TRAF1: variants seen among roughly 807,000 people sequenced by gnomAD.
The protein encoded by TRAF1 is TNF receptor-associated factor 1.
Under a neutral mutation model 40.9 loss-of-function variants are expected in TRAF1, and 23 were observed. That is an observed-to-expected ratio of 0.56 (90% CI 0.40 to 0.80). The LOEUF (loss-of-function observed/expected upper bound fraction) is 0.80. Among genes scored for constraint, TRAF1 ranks in the 30% least tolerant of loss-of-function variants. The probability of loss-of-function intolerance (pLI) is 0.00; values close to 1 mark genes in which losing one functional copy is unlikely to be tolerated. For synonymous variants in TRAF1, 206 were observed against 218.8 expected (o/e 0.94, Z 0.52); for missense variants, 477 against 528.7 (o/e 0.90, Z 0.96).
intron 6 of TRAF1, among the ~76,000 whole-genome samples, chr9:120,910,921 C>T (rs573596514): frequency 6.6e-6 from 1 of 152,316 alleles, no homozygotes; most frequent in African/African-American, 2.4e-5. Flanking sequence ...TTCAGACTGT[C>T]GGCTCTCTGA....
chr9:120,920,177 T>A (rs1446331620), intron 3 of TRAF1, among the ~76,000 whole-genome samples: 1 of 152,176 alleles, frequency 6.6e-6, no homozygotes, highest in Admixed American at 6.5e-5. Flanking sequence ...GGGGAAAGAC[T>A]GCTCAGTGTC....
intron 3 of TRAF1, among the ~76,000 whole-genome samples, chr9:120,918,103 C>G (rs1040466408): frequency 6.6e-6 from 1 of 152,168 alleles, no homozygotes; most frequent in Non-Finnish European, 1.5e-5. Context: ...AGGAAACCAA[C>G]TCGCCAATAC....
intron 7 of TRAF1, among the ~76,000 whole-genome samples, chr9:120,905,628 G>C (rs1270136917): frequency 6.6e-6 from 1 of 152,226 alleles, no homozygotes; most frequent in East Asian, 1.9e-4. Flanking sequence ...GGCTTGGAAA[G>C]TTTTGCTTCA....
chr9:120,925,157 A>C (rs913603903), intron 2 of TRAF1, among the ~76,000 whole-genome samples: 1 of 152,360 alleles, frequency 6.6e-6, no homozygotes, highest in Non-Finnish European at 1.5e-5. Context: ...GTAAAACCGC[A>C]AACAAAAGGT....
rs1211527385 is a variant in TRAF1, at chr9:120,903,426, C to G, written c.*1594G>C. 1.3e-5 allele frequency: 2 copies of G among 152,330 alleles called. No individual in the cohort carries two copies. The highest frequency in any genetic ancestry group is 2.4e-5 in the African/African-American group (1 of 41,462). 9.4% of individuals were successfully genotyped at this position (152,330 alleles called of 1,614,324 possible). A position where few individuals can be genotyped will look rare whatever the true frequency, so the allele number is the denominator to read the frequency against. ...GGCCTGGGTTTCTGACCCATTGAGA[C>G]TGCCGTGCCACGATGCTCCGTCACC... On this transcript the variant is annotated 3_prime_UTR_variant, in exon 8 of 8. Coordinates refer to ENST00000373887, the MANE Select transcript of TRAF1 (RefSeq NM_005658.5).
At chr9:120,924,675 A>G (rs990366428) in intron 2 of TRAF1, among the ~76,000 whole-genome samples, 3 of 152,204 alleles carry the variant, frequency 2.0e-5, no homozygotes, top group Non-Finnish European at 2.9e-5. Flanking sequence ...TCGGCCTGCC[A>G]AAGTGCTGGG....
chr9:120,915,698 G>A (rs1192414940), intron 3 of TRAF1, among the ~76,000 whole-genome samples: 2 of 151,948 alleles, frequency 1.3e-5, no homozygotes, highest in African/African-American at 2.4e-5. Context: ...AGCAGTCTTG[G>A]TGGCGTACAC....
At chr9:120,918,672 T>C (rs2046584702) in intron 3 of TRAF1, among the ~76,000 whole-genome samples, 1 of 152,216 alleles carries the variant, frequency 6.6e-6, no homozygotes, top group South Asian at 2.1e-4. Context: ...TGTTTGAATG[T>C]TGTCCCATAG....
At chr9:120,915,309 T>C (rs1339038460) in intron 3 of TRAF1, among the ~76,000 whole-genome samples, 1 of 152,200 alleles carries the variant, frequency 6.6e-6, no homozygotes, top group Non-Finnish European at 1.5e-5. Context: ...CACGTGACCA[T>C]ACTGAATACT....
intron 3 of TRAF1, among the ~76,000 whole-genome samples, chr9:120,919,917 C>T (rs953801851): frequency 6.6e-6 from 1 of 152,298 alleles, no homozygotes; most frequent in Admixed American, 6.5e-5. Context: ...TGGGTTAGAG[C>T]CTGGCTTTGC....
rs971747470 is a variant in TRAF1, at chr9:120,926,663, C to T, written c.-340G>A. On this transcript the variant is annotated 5_prime_UTR_variant, in exon 1 of 8. Transcript: ENST00000373887. ...GGTGACCTCAAGGAGAAGTCACTTC[C>T]TCACAGTGGGTTCTGATGACTCCAT... is the stretch of plus-strand genomic sequence containing the variant. 6 of 152,218 alleles carry T rather than the reference C, an allele frequency of 3.9e-5. No individual in the cohort carries two copies. Among genetic ancestry groups the T allele is most frequent in the African/African-American group, 1.4e-4 (6 of 41,420 alleles). 9.4% of individuals were successfully genotyped at this position (152,218 alleles called of 1,614,324 possible).
At chr9:120,918,918 G>C (rs1019248211) in intron 3 of TRAF1, among the ~76,000 whole-genome samples, 37 of 152,362 alleles carry the variant, frequency 2.4e-4, no homozygotes, top group African/African-American at 8.9e-4. Context: ...TTGGGGCTCT[G>C]AGGTTCTGCT....
At position 120,911,405 on chromosome 9, in the gene TRAF1, TC is replaced by T. The variant is rs2046525796; in HGVS notation, c.813del (p.Trp271Ter). 1 of 1,613,542 alleles carries T rather than the reference TC, an allele frequency of 6.2e-7. No individual in the cohort carries two copies. Among genetic ancestry groups the T allele is most frequent in the Admixed American group, 1.7e-5 (1 of 60,002 alleles). ...CACCGCCTGGTGACATTGGTGATCT[TC>T]CACAGGAAAGTGCCATCGAAGGAGG... ...EEASFDGTFL[W>X]KITNVTRRCH... On this transcript the variant is annotated frameshift_variant, in exon 6 of 8. Coordinates refer to ENST00000373887, the MANE Select transcript of TRAF1 (RefSeq NM_005658.5). LOFTEE classifies it high-confidence loss of function.
rs1564118724 is a variant in TRAF1 at position 120,913,358 on chromosome 9, G to A, written c.675C>T (p.Asp225=). 3.1e-6 allele frequency: 5 copies of A among 1,613,170 alleles called. No homozygotes were observed. The highest frequency in any genetic ancestry group is 4.2e-6 in the Non-Finnish European group (5 of 1,179,488). The change falls in exon 5 of 8, where the codon GAC becomes GAT. Residue 225 remains aspartate, a synonymous_variant. Transcript: ENST00000373887. ...GCTCCAAGCTCAGGATGCGCTCACG[G>A]TCCAGCTGGCTCTGGTGGATAGAGG... ...LATSIHQSQL[D]RERILSLEQR...
chr9:120,926,281 C>A lies in TRAF1; in HGVS notation c.-206G>T. ...AATTACCCTTTGTGGCGATAAAAAT[C>A]CCCTGGATGGTGACTGAAGGCTTTA... On this transcript the variant is annotated 5_prime_UTR_variant, in exon 2 of 8. Transcript: ENST00000373887. 8.3e-6 allele frequency: 4 copies of A among 484,742 alleles called. No individual in the cohort carries two copies. Among genetic ancestry groups the A allele is most frequent in the Non-Finnish European group, 1.0e-5 (3 of 289,292 alleles). 30.0% of individuals were successfully genotyped at this position (484,742 alleles called of 1,614,324 possible). A position where few individuals can be genotyped will look rare whatever the true frequency, so the allele number is the denominator to read the frequency against.
chr9:120,914,665 G>T, intron 3 of TRAF1: 1 of 826,894 alleles, frequency 1.2e-6, no homozygotes, highest in Non-Finnish European at 1.5e-6. Context: ...GCACAGCTGA[G>T]ACACTCAGAA....
chr9:120,914,645 G>T, intron 3 of TRAF1: 2 of 948,890 alleles, frequency 2.1e-6, no homozygotes, highest in Non-Finnish European at 2.5e-6. Flanking sequence ...AGTGCTGAGG[G>T]CAGTGCCTGG....
intron 3 of TRAF1, 151 bp downstream of exon 3, chr9:120,923,554 G>C (rs2046618404): frequency 1.5e-6 from 1 of 688,660 alleles, no homozygotes; most frequent in East Asian, 2.7e-5. Context: ...GTGAACATCA[G>C]TCTCCTTATT....
Position 120,926,171 on chromosome 9 carries a change from A to G in TRAF1, c.-96T>C. The G allele has an allele frequency of 1.5e-6, 2 of 1,340,394 alleles. No homozygotes were observed. The highest frequency in any genetic ancestry group is 3.1e-5 in the South Asian group (2 of 64,072). 83.0% of individuals were successfully genotyped at this position (1,340,394 alleles called of 1,614,324 possible). A position where few individuals can be genotyped will look rare whatever the true frequency, so the allele number is the denominator to read the frequency against. On this transcript the variant is annotated 5_prime_UTR_variant, in exon 2 of 8. Transcript: ENST00000373887. ...CTGGCCTGGGCCTCACTCTCTGGTG[A>G]GTAGGAGCTCTGATGACTTTATCTT...
Sources: gnomAD v4.1 joint callset for allele counts (sites outside exome capture counted in the v4.1 genomes callset) on GRCh38, gnomAD v4.1.1 for gene constraint, MANE v1.5 for transcripts, NCBI Gene and HGNC (gene_info 2026-07-23, HGNC 2026-07-21) for gene names.